Variants in KDM4C observed in about 807,000 individuals in gnomAD.
KDM4C encodes lysine-specific demethylase 4C.
Under a neutral mutation model 129.3 loss-of-function variants are expected in KDM4C, and 81 were observed. The ratio of observed to expected loss-of-function variants is 0.63; its 90% CI spans 0.52 to 0.75. KDM4C has a LOEUF of 0.75. Ranked by LOEUF, KDM4C falls within the 30% of genes least tolerant of loss-of-function variation. The pLI, the probability that KDM4C is intolerant of heterozygous loss-of-function variation, is 0.00. For synonymous variants in KDM4C, 573 were observed against 456.1 expected (o/e 1.26, Z -3.26); for missense variants, 1,457 against 1,304.0 (o/e 1.12, Z -1.81).
chr9:7,150,728 G>GT, intron 19 of KDM4C, among the ~76,000 whole-genome samples: 1 of 152,276 alleles, frequency 6.6e-6, no homozygotes, highest in Non-Finnish European at 1.5e-5. Context: ...TGTCAACCCT[G>GT]TTTCTAGTTA....
At chr9:7,089,231 C>A (rs1011502692) in intron 17 of KDM4C, among the ~76,000 whole-genome samples, 5 of 149,696 alleles carry the variant, frequency 3.3e-5, no homozygotes, top group Non-Finnish European at 7.4e-5. Context: ...GTAGAATCCT[C>A]ACAGGTGTAT....
chr9:6,887,924 GAC>G, intron 6 of KDM4C, 34 bp from the exon 7 acceptor site: 1 of 1,194,008 alleles, frequency 8.4e-7, no homozygotes, highest in East Asian at 2.3e-5. Context: ...TCTCTTAATC[GAC>G]ACAGTGCCAC....
At chr9:6,820,302 G>A (rs1371516399) in intron 4 of KDM4C, among the ~76,000 whole-genome samples, 1 of 152,182 alleles carries the variant, frequency 6.6e-6, no homozygotes, top group Admixed American at 6.5e-5. Context: ...TGGGACCAGA[G>A]CTAGGTAAAT....
intron 8 of KDM4C, among the ~76,000 whole-genome samples, chr9:6,949,416 G>A (rs911902115): frequency 2.0e-5 from 3 of 152,026 alleles, no homozygotes; most frequent in Non-Finnish European, 2.9e-5. Flanking sequence ...AGGCAGAGAC[G>A]TTCCTCACTT....
At chr9:7,010,795 G>A (rs1822536296) in intron 12 of KDM4C, among the ~76,000 whole-genome samples, 1 of 152,184 alleles carries the variant, frequency 6.6e-6, no homozygotes, top group Non-Finnish European at 1.5e-5. Flanking sequence ...TGTAATTCCA[G>A]CACTTTGGGA....
intron 17 of KDM4C, among the ~76,000 whole-genome samples, chr9:7,053,105 A>C (rs1336425096): frequency 2.6e-5 from 4 of 152,220 alleles, no homozygotes; most frequent in African/African-American, 4.8e-5. Context: ...GCAAGAGGCT[A>C]ATAGAATGAC....
chr9:7,007,541 G>T (rs1821900920), intron 12 of KDM4C, among the ~76,000 whole-genome samples: 1 of 152,194 alleles, frequency 6.6e-6, no homozygotes, highest in Non-Finnish European at 1.5e-5. Context: ...TGATTATGAA[G>T]TTACTGCTTG....
chr9:6,757,953 G>A (rs1818553360), upstream of KDM4C: 7 of 985,362 alleles, frequency 7.1e-6, no homozygotes, highest in Non-Finnish European at 8.4e-6. Flanking sequence ...ACGTGACGGC[G>A]CGCGCGCCCT....
At chr9:6,849,898 G>A (rs1022474709) in intron 5 of KDM4C, among the ~76,000 whole-genome samples, 198 bp downstream of exon 5, 12 of 152,198 alleles carry the variant, frequency 7.9e-5, no homozygotes, top group African/African-American at 2.4e-4. Flanking sequence ...ATGGTAACTC[G>A]TACAGTCATG....
rs769505502 is a variant in KDM4C, at chr9:6,793,054, C to T, written c.66C>T (p.Ser22=). ...PSCKIMTFRP[S]MEEFREFNKY... ...GTAAGATAATGACCTTCAGACCCTCCATGGAGGAGTTCCGGGAGTTCAACA... is the reference window on the plus strand; with the variant it reads ...GTAAGATAATGACCTTCAGACCCTCTATGGAGGAGTTCCGGGAGTTCAACA... Residue 22 remains serine, a synonymous_variant, in exon 2 of 22, where the codon TCC becomes TCT. Coordinates refer to ENST00000381309, the MANE Select transcript of KDM4C (RefSeq NM_015061.6). The T allele has an allele frequency of 1.9e-6, 3 of 1,614,076 alleles. No homozygotes were observed. In the South Asian group the frequency reaches 3.3e-5, roughly 18 times the overall value.
intron 12 of KDM4C, among the ~76,000 whole-genome samples, chr9:6,994,567 G>T (rs1021827366): frequency 6.6e-6 from 1 of 152,050 alleles, no homozygotes; most frequent in Admixed American, 6.6e-5. Flanking sequence ...CATGCTTTTG[G>T]TAGTGAACAT....
At chr9:7,079,355 G>A (rs1221887225) in intron 17 of KDM4C, among the ~76,000 whole-genome samples, 1 of 152,076 alleles carries the variant, frequency 6.6e-6, no homozygotes, top group Non-Finnish European at 1.5e-5. Flanking sequence ...ATGGAGTCTC[G>A]CTGTGTTGCC....
intron 8 of KDM4C, among the ~76,000 whole-genome samples, chr9:6,979,666 C>T (rs1179720820): frequency 6.6e-6 from 1 of 152,108 alleles, no homozygotes; most frequent in African/African-American, 2.4e-5. Context: ...AAAGTAACAG[C>T]TATAACGATG....
chr9:7,021,177 G>T (rs1175020), intron 15 of KDM4C, among the ~76,000 whole-genome samples: 1 of 149,482 alleles, frequency 6.7e-6, no homozygotes, highest in Non-Finnish European at 1.5e-5. Context: ...TTTGAGATGG[G>T]GTCTTGCTCT....
chr9:6,865,086 G>A (rs893373727), intron 5 of KDM4C, among the ~76,000 whole-genome samples: 1 of 145,092 alleles, frequency 6.9e-6, no homozygotes, highest in Admixed American at 7.2e-5. Context: ...TCGGCTCACT[G>A]CAAGCTCTGC....
chr9:6,786,650 G>T (rs921371703), intron 1 of KDM4C, among the ~76,000 whole-genome samples: 3 of 152,094 alleles, frequency 2.0e-5, no homozygotes, highest in African/African-American at 4.8e-5. Flanking sequence ...GTTTCTTCTT[G>T]GTTCAGAAAA....
At chr9:7,034,049 C>G (rs1023218856) in intron 15 of KDM4C, among the ~76,000 whole-genome samples, 8 of 151,238 alleles carry the variant, frequency 5.3e-5, no homozygotes, top group Non-Finnish European at 1.5e-5. Context: ...ATCAGTTGGT[C>G]TCTCAATCTG....
intron 12 of KDM4C, among the ~76,000 whole-genome samples, chr9:6,994,040 G>A (rs1026959752): frequency 2.6e-5 from 4 of 152,140 alleles, no homozygotes; most frequent in African/African-American, 9.7e-5. Context: ...GGGTATAGGG[G>A]TGGGGATGGT....
chr9:7,118,763 T>C (rs963571795), intron 18 of KDM4C, among the ~76,000 whole-genome samples: 5 of 152,190 alleles, frequency 3.3e-5, no homozygotes, highest in Non-Finnish European at 7.3e-5. Flanking sequence ...TTATTGCATT[T>C]GGATTTACGC....
Sources: allele counts gnomAD v4.1 joint callset (sites outside exome capture counted in the v4.1 genomes callset), GRCh38; gene constraint gnomAD v4.1.1; transcripts MANE v1.5; gene names NCBI Gene and HGNC (gene_info 2026-07-23, HGNC 2026-07-21).